Variants in ZNF560 observed in about 807,000 individuals in gnomAD.
ZNF560 encodes the protein zinc finger protein 560.
Under a neutral mutation model 81.8 loss-of-function variants are expected in ZNF560, and 54 were observed. The ratio of observed to expected loss-of-function variants is 0.66; its 90% CI spans 0.53 to 0.83. ZNF560 has a LOEUF of 0.83. Ranked by LOEUF, ZNF560 falls within the 40% of genes least tolerant of loss-of-function variation. The pLI, the probability that ZNF560 is intolerant of heterozygous loss-of-function variation, is 0.00. For missense variants in ZNF560, 940 were observed against 932.4 expected (o/e 1.01, Z -0.11); for synonymous variants, 321 against 317.9 (o/e 1.01, Z -0.10).
chr19:9,496,122 C>A (rs1348177769), intron 2 of ZNF560, among the ~76,000 whole-genome samples: 1 of 152,104 alleles, frequency 6.6e-6, no homozygotes, highest in Non-Finnish European at 1.5e-5. Context: ...TAAAGAAGTT[C>A]ATTTACTGCA....
intron 2 of ZNF560, among the ~76,000 whole-genome samples, chr19:9,492,274 C>T (rs1461981662): frequency 1.3e-5 from 2 of 152,070 alleles, no homozygotes; most frequent in African/African-American, 4.8e-5. Flanking sequence ...CAGCTGGTGG[C>T]AAGATGATTA....
At chr19:9,448,292 C>T in the ZNF560 span, among the ~76,000 whole-genome samples, 26 of 151,552 alleles carry the variant, frequency 1.7e-4, no homozygotes, top group Admixed American at 3.9e-4. Context: ...AGTGCAATGA[C>T]ACGATCTTGG....
chr19:9,495,206 A>C (rs1378617552), intron 2 of ZNF560, among the ~76,000 whole-genome samples: 1 of 152,224 alleles, frequency 6.6e-6, no homozygotes, highest in Non-Finnish European at 1.5e-5. Flanking sequence ...AGGCAATTAA[A>C]CAAGACACAG....
chr19:9,486,743 AAAAAAAAGAAG>A (rs1042843034), intron 2 of ZNF560, among the ~76,000 whole-genome samples: 12 of 150,090 alleles, frequency 8.0e-5, no homozygotes, highest in African/African-American at 2.8e-4. Flanking sequence ...TCTGTCTCAA[AAAAAAAAGAAG>A]AAAAGAAAAA....
the ZNF560 span, among the ~76,000 whole-genome samples, chr19:9,459,446 A>G: frequency 6.6e-6 from 1 of 152,210 alleles, no homozygotes; most frequent in Non-Finnish European, 1.5e-5. Context: ...CTGAATCAAC[A>G]GCCAATTTGG....
the ZNF560 span, among the ~76,000 whole-genome samples, chr19:9,447,152 A>C: frequency 6.6e-6 from 1 of 151,606 alleles, no homozygotes; most frequent in South Asian, 2.1e-4. Flanking sequence ...AAAAAAAAAA[A>C]ATAGACATAC....
the ZNF560 span, among the ~76,000 whole-genome samples, chr19:9,455,212 A>G: frequency 1.3e-5 from 2 of 152,254 alleles, no homozygotes; most frequent in South Asian, 4.1e-4. Context: ...AAATTACTGA[A>G]TGAGTTTAAA....
At chr19:9,470,254 A>T in intron 7 of ZNF560, 138 bp downstream of exon 7, 1 of 919,900 alleles carries the variant, frequency 1.1e-6, no homozygotes, top group East Asian at 2.5e-5. Flanking sequence ...TTCCTATTTT[A>T]CTCATTAAAA....
intron 4 of ZNF560, 114 bp downstream of exon 4, chr19:9,474,085 G>A (rs961175844): frequency 2.5e-6 from 3 of 1,202,574 alleles, no homozygotes; most frequent in Admixed American, 3.4e-5. Flanking sequence ...ACCTATTATG[G>A]CAGGGACAAC....
At chr19:9,461,357 G>A (rs1025872435), downstream of ZNF560, among the ~76,000 whole-genome samples, 1 of 152,140 alleles carries the variant, frequency 6.6e-6, no homozygotes, top group Non-Finnish European at 1.5e-5. Context: ...GAGAGCTCAA[G>A]AAGGAGTTGG....
the ZNF560 span, among the ~76,000 whole-genome samples, chr19:9,451,739 T>C: frequency 1.1e-3 from 161 of 152,270 alleles, no homozygotes; most frequent in African/African-American, 3.7e-3. Flanking sequence ...CCAGAATCTA[T>C]AAGAAACTTA....
At chr19:9,469,534 C>T (rs1027519135) in intron 8 of ZNF560, 96 bp downstream of exon 8, 32 of 1,088,912 alleles carry the variant, frequency 2.9e-5, no homozygotes, top group South Asian at 6.4e-5. Flanking sequence ...CAGTGGACAG[C>T]CTTCTGATTC....
At chr19:9,459,924 T>C in the ZNF560 span, among the ~76,000 whole-genome samples, 1 of 152,136 alleles carries the variant, frequency 6.6e-6, no homozygotes, top group African/African-American at 2.4e-5. Context: ...ACCCAGGACA[T>C]GTTCCAAGAC....
At chr19:9,491,948 C>A (rs1184954270) in intron 2 of ZNF560, among the ~76,000 whole-genome samples, 1 of 142,630 alleles carries the variant, frequency 7.0e-6, no homozygotes, top group African/African-American at 2.8e-5. Context: ...AAGCAAAAAC[C>A]AAAACTGAAT....
rs1161547368 is a variant in ZNF560, at chr19:9,467,361, G to C, written c.1586C>G (p.Ala529Gly). The C allele has an allele frequency of 1.9e-6, 3 of 1,614,144 alleles. No individual in the cohort carries two copies. In the South Asian group the frequency reaches 3.3e-5, roughly 18 times the overall value. Residue 529 changes from alanine (A) to glycine (G), a missense_variant, in exon 10 of 10, where the codon GCC becomes GGC. Ala to Gly is a moderately conservative substitution (Grantham distance 60). Transcript: ENST00000301480. The stretch of plus-strand genomic sequence containing the variant: ...AGTTCGCATGTGAATACGAAGACAG[G>C]CAGAAGAGGTAAATGGTTTCCCACA... The part of the protein sequence containing the change: ...YKCGKPFTSS[A>G]CLRIHMRTHT...
At chr19:9,502,711 CCACTT>C (rs1364600484), upstream of ZNF560, among the ~76,000 whole-genome samples, 1 of 152,146 alleles carries the variant, frequency 6.6e-6, no homozygotes, top group African/African-American at 2.4e-5. Context: ...AGAAATGTGT[CCACTT>C]CATTTAGGTT....
the ZNF560 span, among the ~76,000 whole-genome samples, chr19:9,450,996 C>A: frequency 4.6e-5 from 7 of 152,086 alleles, no homozygotes; most frequent in African/African-American, 1.7e-4. Context: ...TGGAAAAACA[C>A]CCCATGGTCA....
chr19:9,452,092 G>T, the ZNF560 span, among the ~76,000 whole-genome samples: 34 of 151,742 alleles, frequency 2.2e-4, no homozygotes, highest in African/African-American at 8.0e-4. Context: ...AAAAAAAAGT[G>T]GGGGGCAGGG....
chr19:9,478,870 A>T (rs1413192231), intron 2 of ZNF560, among the ~76,000 whole-genome samples: 2 of 151,548 alleles, frequency 1.3e-5, no homozygotes, highest in Non-Finnish European at 2.9e-5. Flanking sequence ...AAAAAACCCC[A>T]CAAAACTTAA....
Sources: allele counts gnomAD v4.1 joint callset (sites outside exome capture counted in the v4.1 genomes callset), GRCh38; gene constraint gnomAD v4.1.1; transcripts MANE v1.5; gene names NCBI Gene and HGNC (gene_info 2026-07-23, HGNC 2026-07-21).